BAZ2A: variants seen among roughly 807,000 people sequenced by gnomAD.
BAZ2A encodes bromodomain adjacent to zinc finger domain 2A.
In BAZ2A, 34 loss-of-function variants were observed where a neutral mutation model predicts 199.9. The ratio of observed to expected loss-of-function variants is 0.17; its 90% CI spans 0.13 to 0.23. BAZ2A has a LOEUF of 0.23. Among genes scored for constraint, BAZ2A ranks in the 10% least tolerant of loss-of-function variants. The pLI is 1.00. For synonymous variants in BAZ2A, 857 were observed against 883.9 expected, an observed-to-expected ratio of 0.97 and a Z score of 0.54; for missense variants, 2,002 against 2,391.1, an observed-to-expected ratio of 0.84 and a Z score of 3.39.
At position 56,601,154 on chromosome 12, in the gene BAZ2A, G is replaced by C. The variant is rs745714939; in HGVS notation, c.4294+26C>G. 1.5e-5 allele frequency: 24 copies of C among 1,613,876 alleles called. No individual in the cohort carries two copies. The African/African-American group carries it at 2.8e-4, about 19-fold the overall frequency. Reference sequence around the variant, plus strand: ...CAGCTGTGAAGCACTGCCCACACCGGATGCCCTCACTCCAAGGTCACTCAC... The same window carrying C: ...CAGCTGTGAAGCACTGCCCACACCGCATGCCCTCACTCCAAGGTCACTCAC... On this transcript the variant is annotated intron_variant, in intron 21 of 28. Transcript: ENST00000549884.
chr12:56,612,811 C>T (rs922249920), intron 5 of BAZ2A, among the ~76,000 whole-genome samples: 1 of 152,128 alleles, frequency 6.6e-6, no homozygotes, highest in Admixed American at 6.6e-5. Context: ...TTAGTAGAGG[C>T]GGGGTTTCAC....
At chr12:56,605,773 T>G in intron 13 of BAZ2A, 57 bp downstream of exon 13, 1 of 1,499,900 alleles carries the variant, frequency 6.7e-7, no homozygotes, top group Non-Finnish European at 8.9e-7. Flanking sequence ...TCCTTTTTTT[T>G]TTTTTAAAGG....
chr12:56,622,301 T>C (rs1430877739), intron 1 of BAZ2A, among the ~76,000 whole-genome samples: 2 of 151,920 alleles, frequency 1.3e-5, no homozygotes, highest in Non-Finnish European at 2.9e-5. Context: ...GATCGCACCA[T>C]TGCACTCTAG....
Position 56,597,153 on chromosome 12 carries a change from T to C in BAZ2A, c.*1465A>G, listed in dbSNP as rs1435598901. 2 of 152,774 alleles carry C rather than the reference T, an allele frequency of 1.3e-5. No individual in the cohort carries two copies. The highest frequency in any genetic ancestry group is 2.4e-5 in the African/African-American group (1 of 41,544). The allele number at this position is 152,774 out of a possible 1,614,324, so 9.5% of individuals were successfully genotyped here. ...TTCCTCTCGTGTTGGGGGCTTAACT[T>C]GGACATAGTCACATGTAGGGCAGTG... On this transcript the variant is annotated 3_prime_UTR_variant, in exon 29 of 29. Transcript: ENST00000549884.
chr12:56,609,807 G>A lies in BAZ2A; in HGVS notation c.2021C>T (p.Pro674Leu), dbSNP rs1199917287. The A allele has an allele frequency of 1.9e-6, 3 of 1,613,898 alleles. No homozygotes were observed. The highest frequency in any genetic ancestry group is 1.7e-6 in the Non-Finnish European group (2 of 1,179,860). ...TAGCTCAGTGATTTTGACCTTAGGT[G>A]GCCGACCTCGACCCCGTTTCACCTT... The part of the protein sequence containing the change: ...VPKVKRGRGR[P>L]PKVKITELLN... The change falls in exon 10 of 29, where the codon CCA becomes CTA. Residue 674 changes from proline to leucine, a missense_variant. This residue lies in a region of BAZ2A where 1,081 missense variants were observed against 1,274.7 expected (regional missense o/e 0.85). Transcript: ENST00000549884.
chr12:56,631,450 CAA>C (rs529753732), upstream of BAZ2A, among the ~76,000 whole-genome samples: 51 of 81,532 alleles, frequency 6.3e-4, no homozygotes, highest in East Asian at 7.1e-3. Context: ...GACTCTATCT[CAA>C]AAAAAAAAAA....
chr12:56,606,855 G>GC lies in BAZ2A; in HGVS notation c.2093-123dup. On this transcript the variant is annotated intron_variant, in intron 10 of 28. Coordinates refer to ENST00000549884, the MANE Select transcript of BAZ2A (RefSeq NM_001300905.2). ...GCAGCTCCCTGAAGAATCTAGAGTAGCTTTTTTTTTTTTTAAGTATACATA... is the reference window on the plus strand; with the variant it reads ...GCAGCTCCCTGAAGAATCTAGAGTAGCCTTTTTTTTTTTTTAAGTATACATA... 4.1e-6 allele frequency: 3 copies of GC among 727,076 alleles called. No individual in the cohort carries two copies. In the South Asian group the frequency reaches 5.1e-5, roughly 12 times the overall value. The allele number at this position is 727,076 out of a possible 1,614,324, so 45.0% of individuals were successfully genotyped here. A position where few individuals can be genotyped will look rare whatever the true frequency, so the allele number is the denominator to read the frequency against.
At chr12:56,603,083 G>A (rs1271478864) in intron 18 of BAZ2A, among the ~76,000 whole-genome samples, 1 of 152,078 alleles carries the variant, frequency 6.6e-6, no homozygotes, top group East Asian at 1.9e-4. Flanking sequence ...CAGGAGTTCA[G>A]AACCAGCCTT....
In BAZ2A at chr12:56,612,980, A is replaced by T. The variant is rs796521947; in HGVS notation, c.1135+35T>A. ...CTTATTCTCTCATCTTTTCTCAGGT[A>T]AAGGTCTTTCTTTGTCCTACCTACC... On this transcript the variant is annotated intron_variant, in intron 5 of 28. Transcript: ENST00000549884. The T allele has an allele frequency of 9.6e-6, 15 of 1,567,396 alleles. No individual in the cohort carries two copies. In the African/African-American group the frequency reaches 2.0e-4, roughly 21 times the overall value.
intron 7 of BAZ2A, 126 bp from the exon 8 acceptor site, chr12:56,610,643 T>C (rs943978730): frequency 5.1e-6 from 4 of 781,054 alleles, no homozygotes; most frequent in East Asian, 2.7e-5. Flanking sequence ...TGCATGCAGA[T>C]GCAAAAGCAC....
Position 56,602,801 on chromosome 12 carries a change from G to C in BAZ2A, c.3336C>G (p.Val1112=). The stretch of plus-strand genomic sequence containing the variant: ...GTCTGTAGCGGTCCTGACCCAGGGA[G>C]ACCGCCCGAAGCATCTGGGATGAGT... ...LLHSSQMLRA[V]SLGQDRYRRR... The change falls in exon 19 of 29, where the codon GTC becomes GTG. Residue 1112 remains valine, a synonymous_variant. Coordinates refer to ENST00000549884, the MANE Select transcript of BAZ2A (RefSeq NM_001300905.2). 1 of 1,613,870 alleles carries C rather than the reference G, an allele frequency of 6.2e-7. No individual in the cohort carries two copies. The highest frequency in any genetic ancestry group is 1.1e-5 in the South Asian group (1 of 91,044).
In BAZ2A at chr12:56,606,071, A is replaced by C. The variant is rs950245703; in HGVS notation, c.2260-8T>G. The C allele has an allele frequency of 6.4e-7, 1 of 1,551,408 alleles. No individual in the cohort carries two copies. The highest frequency in any genetic ancestry group is 1.4e-5 in the African/African-American group (1 of 72,974). ...TCCTTTTTCTTTCTCAGCCTACCCA[A>C]GGAAGAGAGGAACCAAGACTGCCAT... On this transcript the variant is annotated splice_polypyrimidine_tract_variant and splice_region_variant and intron_variant, in intron 12 of 28. Transcript: ENST00000549884.
Position 56,630,287 on chromosome 12 carries a change from G to C in BAZ2A, c.-165C>G. The C allele has an allele frequency of 1.0e-6, 1 of 984,924 alleles. No homozygotes were observed. The highest frequency in any genetic ancestry group is 4.7e-5 in the South Asian group (1 of 21,274). 61.0% of individuals were successfully genotyped at this position (984,924 alleles called of 1,614,324 possible). A position where few individuals can be genotyped will look rare whatever the true frequency, so the allele number is the denominator to read the frequency against. On this transcript the variant is annotated 5_prime_UTR_variant, in exon 1 of 29. Coordinates refer to ENST00000549884, the MANE Select transcript of BAZ2A (RefSeq NM_001300905.2). ...GGGGAGGGGGACGCGGCTCAACCGCGGGGCCCGAGAGGAGCCAACATGGCC... is the reference window on the plus strand; with the variant it reads ...GGGGAGGGGGACGCGGCTCAACCGCCGGGCCCGAGAGGAGCCAACATGGCC...
intron 1 of BAZ2A, among the ~76,000 whole-genome samples, chr12:56,628,177 C>CAAAAAAAAAAAAAAAAAAAAAA (rs57372528): frequency 3.5e-5 from 1 of 28,390 alleles, no homozygotes. Context: ...AACTCCGTCT[C>CAAAAAAAAAAAAAAAAAAAAAA]AAAAAAAAAA....
At position 56,596,019 on chromosome 12, in the gene BAZ2A, G is replaced by GT. The variant is rs1885774265; in HGVS notation, c.*2598dup. On this transcript the variant is annotated 3_prime_UTR_variant, in exon 29 of 29. Transcript: ENST00000549884. Reference sequence around the variant, plus strand: ...GGAACATCACATGGCAAAAACAGGAGTTTTTTCGCTAGACTTTTTTTTTCT... The same window carrying GT: ...GGAACATCACATGGCAAAAACAGGAGTTTTTTTCGCTAGACTTTTTTTTTCT... The GT allele has an allele frequency of 1.3e-5, 2 of 152,796 alleles. No individual in the cohort carries two copies. The highest frequency in any genetic ancestry group is 2.9e-5 in the Non-Finnish European group (2 of 68,048). The allele number at this position is 152,796 out of a possible 1,614,324, so 9.5% of individuals were successfully genotyped here. A position where few individuals can be genotyped will look rare whatever the true frequency, so the allele number is the denominator to read the frequency against.
intron 11 of BAZ2A, 82 bp downstream of exon 11, chr12:56,606,551 C>A: frequency 7.3e-7 from 1 of 1,378,122 alleles, no homozygotes; most frequent in Non-Finnish European, 1.0e-6. Flanking sequence ...CAGGGAGTGA[C>A]GGATGTGGGA....
intron 23 of BAZ2A, 60 bp from the exon 24 acceptor site, chr12:56,600,550 A>C: frequency 1.3e-6 from 2 of 1,573,888 alleles, no homozygotes; most frequent in Non-Finnish European, 1.7e-6. Context: ...GGCATAGGAA[A>C]AAAAAAAACA....
At chr12:56,625,848 C>T (rs554363517) in intron 1 of BAZ2A, among the ~76,000 whole-genome samples, 309 of 145,212 alleles carry the variant, frequency 2.1e-3, no homozygotes, top group African/African-American at 7.8e-3. Flanking sequence ...TGCACTCCAG[C>T]CTGGGCGACA....
At chr12:56,601,520 G>A (rs757974679) in intron 20 of BAZ2A, 26 bp downstream of exon 20, 1 of 1,607,156 alleles carries the variant, frequency 6.2e-7, no homozygotes, top group Non-Finnish European at 8.5e-7. Flanking sequence ...GAAATCAAGT[G>A]CATACTACTA....
Sources: gnomAD v4.1 joint callset for allele counts (sites outside exome capture counted in the v4.1 genomes callset) on GRCh38, gnomAD v4.1.1 for gene constraint, gnomAD v4.1.1 regional missense constraint, MANE v1.5 for transcripts, NCBI Gene and HGNC (gene_info 2026-07-23, HGNC 2026-07-21) for gene names.